INSC: variants seen among roughly 807,000 people sequenced by gnomAD.
The protein encoded by INSC is protein inscuteable homolog.
In INSC, 67 loss-of-function variants were observed where a neutral mutation model predicts 58.6. That is an observed-to-expected ratio of 1.14 (90% CI 0.94 to 1.40). The LOEUF is 1.40. Among genes scored for constraint, INSC ranks in the 40% most tolerant of loss-of-function variants. INSC has a pLI of 0.00. For missense variants in INSC, 714 were observed against 692.0 expected, an observed-to-expected ratio of 1.03 and a Z score of -0.36; for synonymous variants, 262 against 276.1, an observed-to-expected ratio of 0.95 and a Z score of 0.51.
intron 7 of INSC, among the ~76,000 whole-genome samples, chr11:15,214,362 A>G (rs1851136462): frequency 1.3e-5 from 2 of 152,206 alleles, no homozygotes; most frequent in African/African-American, 4.8e-5. Flanking sequence ...TTTTCAGTGC[A>G]TTCCCGTGAT....
chr11:15,120,618 G>A (rs1369040049), intron 1 of INSC, among the ~76,000 whole-genome samples: 5 of 152,206 alleles, frequency 3.3e-5, no homozygotes, highest in Non-Finnish European at 5.9e-5. Flanking sequence ...AGCCTATGGT[G>A]TGGGTGGTCA....
intron 7 of INSC, among the ~76,000 whole-genome samples, chr11:15,218,096 A>G (rs1222577220): frequency 6.6e-6 from 1 of 152,206 alleles, no homozygotes; most frequent in Non-Finnish European, 1.5e-5. Context: ...TTATAGCAGC[A>G]CTGTCCATTA....
At position 15,149,108 on chromosome 11, in the gene INSC, C is replaced by CGA. The variant is rs565918111; in HGVS notation, c.-45-22_-45-21insGA. On this transcript the variant is annotated intron_variant, in intron 1 of 12. Transcript: ENST00000379556. ...CCTCCTCTTTTAGGATCTCGTTGTG[C>CGA]CATCCTGCCCTCTATTTTCAGGGTC... is the stretch of plus-strand genomic sequence containing the variant. 1.1e-3 allele frequency: 1,706 copies of CGA among 1,565,498 alleles called. 1 individual carries two copies. The highest frequency in any genetic ancestry group is 3.4e-3 in the Admixed American group (178 of 52,952).
chr11:15,250,308 G>T (rs575491674), downstream of INSC, among the ~76,000 whole-genome samples: 2 of 152,296 alleles, frequency 1.3e-5, no homozygotes, highest in Non-Finnish European at 2.9e-5. Flanking sequence ...GTAAAGTAGG[G>T]ATAATACTCC....
intron 5 of INSC, among the ~76,000 whole-genome samples, chr11:15,187,723 C>A (rs577808828): frequency 6.6e-6 from 1 of 151,984 alleles, no homozygotes; most frequent in Non-Finnish European, 1.5e-5. Context: ...TTTTTTGTTT[C>A]ATATCTGCCT....
chr11:15,169,192 G>C (rs1305682838), intron 2 of INSC, among the ~76,000 whole-genome samples: 2 of 53,498 alleles, frequency 3.7e-5, no homozygotes, highest in Non-Finnish European at 1.0e-4. Flanking sequence ...GGGCCTCAGA[G>C]GGAGGGTTCC....
chr11:15,169,656 C>T (rs1195812023), intron 2 of INSC, among the ~76,000 whole-genome samples: 1 of 152,124 alleles, frequency 6.6e-6, no homozygotes, highest in African/African-American at 2.4e-5. Flanking sequence ...ATTCTCCTGC[C>T]TCAACCTCCC....
intron 1 of INSC, 110 bp downstream of exon 1, chr11:15,115,113 C>A: frequency 1.5e-6 from 1 of 680,526 alleles, no homozygotes; most frequent in Non-Finnish European, 1.8e-6. Context: ...GTAAGTGTGT[C>A]AGTGGGAGTG....
chr11:15,261,590 T>C, the INSC span, among the ~76,000 whole-genome samples: 2 of 152,188 alleles, frequency 1.3e-5, no homozygotes, highest in Non-Finnish European at 2.9e-5. Context: ...GGAAGTTAGG[T>C]GGTAACTACT....
chr11:15,145,230 G>A (rs912402477), intron 1 of INSC, among the ~76,000 whole-genome samples: 6 of 152,210 alleles, frequency 3.9e-5, no homozygotes, highest in Admixed American at 3.9e-4. Context: ...CTCCTGGGAA[G>A]TAGGTATAAT....
chr11:15,181,421 C>T (rs1196010197), intron 5 of INSC, among the ~76,000 whole-genome samples: 1 of 152,142 alleles, frequency 6.6e-6, no homozygotes, highest in African/African-American at 2.4e-5. Flanking sequence ...TCCCCACCCC[C>T]TTCACCCCAG....
rs187762000 is a variant in INSC at position 15,129,545 on chromosome 11, C to T, written c.-46+14542C>T. Among the ~76,000 whole-genome samples the T allele has an allele frequency of 2.8e-3, 424 of 152,214 alleles. 6 individuals are homozygous for T. Among genetic ancestry groups the T allele is most frequent in the Non-Finnish European group, 2.3e-3 (155 of 68,022 alleles). ...GAATTATCTATTAACTTATCTTGGCCTTCTTTAATATCATTTAATAATGTT... is the reference window on the plus strand; with the variant it reads ...GAATTATCTATTAACTTATCTTGGCTTTCTTTAATATCATTTAATAATGTT... On this transcript the variant is annotated intron_variant, in intron 1 of 12. Transcript: ENST00000379556.
At chr11:15,166,820 T>G (rs371307684) in intron 2 of INSC, among the ~76,000 whole-genome samples, 1 of 152,102 alleles carries the variant, frequency 6.6e-6, no homozygotes, top group South Asian at 2.1e-4. Context: ...GATGGGAAGA[T>G]GAATAGTGTG....
At chr11:15,156,771 A>G (rs1026728752) in intron 2 of INSC, among the ~76,000 whole-genome samples, 2 of 152,208 alleles carry the variant, frequency 1.3e-5, no homozygotes, top group South Asian at 4.1e-4. Context: ...AAGATGCACT[A>G]TAGGTGGCAA....
chr11:15,160,548 T>C (rs999736438), intron 2 of INSC, among the ~76,000 whole-genome samples: 1 of 152,194 alleles, frequency 6.6e-6, no homozygotes, highest in Non-Finnish European at 1.5e-5. Context: ...ACTCTCATGC[T>C]GGCAATACAG....
intron 1 of INSC, among the ~76,000 whole-genome samples, chr11:15,119,127 G>A (rs1486963997): frequency 6.6e-6 from 1 of 152,186 alleles, no homozygotes; most frequent in African/African-American, 2.4e-5. Context: ...GGCAAATTGG[G>A]GAATGAGGCT....
intron 7 of INSC, among the ~76,000 whole-genome samples, chr11:15,211,486 T>A (rs1274145675): frequency 1.3e-5 from 2 of 152,310 alleles, no homozygotes; most frequent in East Asian, 3.9e-4. Flanking sequence ...TGTGGTAGGT[T>A]TTTTTATTCT....
chr11:15,183,411 G>A (rs1358359921), intron 5 of INSC, among the ~76,000 whole-genome samples: 1 of 145,536 alleles, frequency 6.9e-6, no homozygotes, highest in Non-Finnish European at 1.5e-5. Flanking sequence ...AGTGTGAGCA[G>A]CTTCTCAATT....
the INSC span, among the ~76,000 whole-genome samples, chr11:15,269,556 C>G: frequency 6.6e-6 from 1 of 151,596 alleles, no homozygotes; most frequent in African/African-American, 2.4e-5. Context: ...TTTTTCTTCA[C>G]AGACTTACAT....
Sources: gnomAD v4.1 joint callset for allele counts (sites outside exome capture counted in the v4.1 genomes callset) on GRCh38, gnomAD v4.1.1 for gene constraint, MANE v1.5 for transcripts, NCBI Gene and HGNC (gene_info 2026-07-23, HGNC 2026-07-21) for gene names.